IMMP2L: variants seen among roughly 807,000 people sequenced by gnomAD.
The protein encoded by IMMP2L is inner mitochondrial membrane peptidase subunit 2.
IMMP2L carries 18 observed loss-of-function variants against 19.3 expected under a neutral mutation model. The ratio of observed to expected loss-of-function variants is 0.93; its 90% CI spans 0.64 to 1.38. The LOEUF is 1.38. Among genes scored for constraint, IMMP2L ranks in the 40% most tolerant of loss-of-function variants. The pLI, the probability that IMMP2L is intolerant of heterozygous loss-of-function variation, is 0.00. For synonymous variants in IMMP2L, 76 were observed against 73.0 expected, an observed-to-expected ratio of 1.04 and a Z score of -0.21; for missense variants, 233 against 218.2, an observed-to-expected ratio of 1.07 and a Z score of -0.43.
intron 3 of IMMP2L, among the ~76,000 whole-genome samples, chr7:111,129,887 A>T (rs1801685112): frequency 6.6e-6 from 1 of 152,174 alleles, no homozygotes; most frequent in Non-Finnish European, 1.5e-5. Flanking sequence ...TATAAGAAAA[A>T]TTATTAAGAG....
intron 3 of IMMP2L, among the ~76,000 whole-genome samples, chr7:111,451,712 T>TAA (rs1163377685): frequency 1.8e-5 from 2 of 113,270 alleles, no homozygotes; most frequent in African/African-American, 3.6e-5. Context: ...TAAAGTATAA[T>TAA]TAAAAAAAAA....
rs1194258213 is a variant in IMMP2L at position 110,885,034 on chromosome 7, G to A, written c.408+1559C>T. Among the ~76,000 whole-genome samples the A allele has an allele frequency of 2.0e-5, 3 of 151,742 alleles. No homozygotes were observed. The South Asian group carries it at 6.2e-4, about 32-fold the overall frequency. ...ATGTGAAAGAAATTATTTTATTAGA[G>A]ACCACCGACATTAAATTTTAGAAAA... On this transcript the variant is annotated intron_variant, in intron 5 of 5. Transcript: ENST00000405709.
At chr7:111,468,262 T>C (rs1762455210) in intron 3 of IMMP2L, among the ~76,000 whole-genome samples, 1 of 152,158 alleles carries the variant, frequency 6.6e-6, no homozygotes, top group Non-Finnish European at 1.5e-5. Context: ...ACATCCCTCA[T>C]TGTTACCTGG....
At chr7:110,919,268 T>C (rs1255328927) in intron 4 of IMMP2L, among the ~76,000 whole-genome samples, 1 of 152,210 alleles carries the variant, frequency 6.6e-6, no homozygotes, top group East Asian at 1.9e-4. Flanking sequence ...CTGATTGACT[T>C]TTCCTAATAT....
At chr7:110,810,680 A>G (rs879632375) in intron 5 of IMMP2L, among the ~76,000 whole-genome samples, 40 of 152,204 alleles carry the variant, frequency 2.6e-4, no homozygotes, top group Non-Finnish European at 4.9e-4. Flanking sequence ...GGGATTAATG[A>G]GCCTCAAATA....
At chr7:110,875,257 C>T (rs535345365) in intron 5 of IMMP2L, among the ~76,000 whole-genome samples, 1 of 152,270 alleles carries the variant, frequency 6.6e-6, no homozygotes, top group South Asian at 2.1e-4. Flanking sequence ...CAGGATAACA[C>T]ATTAAATCTA....
intron 3 of IMMP2L, among the ~76,000 whole-genome samples, chr7:111,315,683 G>A (rs988194412): frequency 1.3e-5 from 2 of 150,402 alleles, no homozygotes; most frequent in African/African-American, 4.9e-5. Context: ...ATGAGACTAC[G>A]TCCATTTAAG....
At chr7:111,493,546 CA>C (rs567098579) in intron 2 of IMMP2L, among the ~76,000 whole-genome samples, 2 of 145,438 alleles carry the variant, frequency 1.4e-5, no homozygotes, top group African/African-American at 2.5e-5. Flanking sequence ...ACCAAAAATG[CA>C]AAAAAAAATT....
chr7:110,961,367 T>C (rs1818920074), intron 4 of IMMP2L, among the ~76,000 whole-genome samples: 1 of 151,818 alleles, frequency 6.6e-6, no homozygotes, highest in South Asian at 2.1e-4. Flanking sequence ...TAATACAATA[T>C]AAATGCTATG....
chr7:110,874,600 ACTT>A (rs1356839452), intron 5 of IMMP2L, among the ~76,000 whole-genome samples: 1 of 152,048 alleles, frequency 6.6e-6, no homozygotes, highest in African/African-American at 2.4e-5. Context: ...CTAAAAAAAT[ACTT>A]CTTAAGGTGG....
intron 3 of IMMP2L, among the ~76,000 whole-genome samples, chr7:111,277,389 T>A (rs949079262): frequency 2.0e-5 from 3 of 151,762 alleles, no homozygotes; most frequent in Admixed American, 1.3e-4. Context: ...AAACCCACAA[T>A]GAGATACCAT....
At chr7:110,923,351 G>A (rs913189149) in intron 4 of IMMP2L, among the ~76,000 whole-genome samples, 2 of 152,174 alleles carry the variant, frequency 1.3e-5, no homozygotes, top group Non-Finnish European at 2.9e-5. Context: ...TAAAGCATTT[G>A]ATAGGGACAC....
intron 3 of IMMP2L, among the ~76,000 whole-genome samples, chr7:111,443,114 G>A (rs1181128878): frequency 1.3e-5 from 2 of 151,716 alleles, no homozygotes; most frequent in Non-Finnish European, 2.9e-5. Context: ...TAATAGCATA[G>A]GTTGATTTTA....
intron 1 of IMMP2L, among the ~76,000 whole-genome samples, chr7:111,537,505 A>T (rs1847991191): frequency 6.9e-6 from 1 of 143,938 alleles, no homozygotes; most frequent in African/African-American, 2.5e-5. Context: ...TTATGATTAG[A>T]TTCCTAGTCT....
chr7:111,489,295 G>A (rs570180846), intron 2 of IMMP2L, among the ~76,000 whole-genome samples: 44 of 151,688 alleles, frequency 2.9e-4, no homozygotes, highest in Non-Finnish European at 5.6e-4. Flanking sequence ...TGCCCGCCTC[G>A]GCCTCCCAAA....
chr7:111,470,195 A>G (rs1215348653), intron 3 of IMMP2L, among the ~76,000 whole-genome samples: 1 of 152,242 alleles, frequency 6.6e-6, no homozygotes, highest in East Asian at 1.9e-4. Flanking sequence ...ACACCAGTTA[A>G]AATGGCAATC....
chr7:111,187,006 C>T (rs1808344023), intron 3 of IMMP2L, among the ~76,000 whole-genome samples: 1 of 151,778 alleles, frequency 6.6e-6, no homozygotes, highest in Non-Finnish European at 1.5e-5. Flanking sequence ...CTACTTAGTT[C>T]TGGGAATAGA....
chr7:110,841,351 T>C (rs535624567), intron 5 of IMMP2L, among the ~76,000 whole-genome samples: 2 of 152,036 alleles, frequency 1.3e-5, no homozygotes, highest in East Asian at 1.9e-4. Flanking sequence ...ATGAGATGGA[T>C]ATAAACAACA....
chr7:111,224,372 G>T (rs1439702687), intron 3 of IMMP2L, among the ~76,000 whole-genome samples: 1 of 152,142 alleles, frequency 6.6e-6, no homozygotes, highest in Non-Finnish European at 1.5e-5. Flanking sequence ...ACATGTGTGA[G>T]TCTATCTGTC....
Sources: gnomAD v4.1 joint callset for allele counts (sites outside exome capture counted in the v4.1 genomes callset) on GRCh38, gnomAD v4.1.1 for gene constraint, MANE v1.5 for transcripts, NCBI Gene and HGNC (gene_info 2026-07-23, HGNC 2026-07-21) for gene names.